ZNF550: variants seen among roughly 807,000 people sequenced by gnomAD.
ZNF550 encodes the protein zinc finger protein 550.
Under a neutral mutation model 40.2 loss-of-function variants are expected in ZNF550, and 42 were observed. The observed-to-expected ratio is 1.05, with a 90% CI of 0.82 to 1.35. The LOEUF (loss-of-function observed/expected upper bound fraction) is 1.35, where lower values mean the gene tolerates loss of function less well. Ranked by LOEUF, ZNF550 falls within the 40% of genes most tolerant of loss-of-function variation. The pLI, the probability that ZNF550 is intolerant of heterozygous loss-of-function variation, is 0.00. For missense variants in ZNF550, 549 were observed against 525.2 expected (o/e 1.05, Z -0.44); for synonymous variants, 223 against 198.6 (o/e 1.12, Z -1.03).
chr19:57,556,123 G>C, intron 2 of ZNF550, 108 bp downstream of exon 2: 1 of 1,424,828 alleles, frequency 7.0e-7, no homozygotes. Flanking sequence ...AGGAAGAGGT[G>C]GGAACAGAAA....
intron 1 of ZNF550, 174 bp from the exon 2 acceptor site, chr19:57,556,531 A>AT: frequency 1.4e-6 from 1 of 707,086 alleles, no homozygotes; most frequent in Non-Finnish European, 2.3e-6. Flanking sequence ...CCTTTTGACA[A>AT]TGCAATTGTG....
chr19:57,559,621 C>A (rs2090152690), intron 1 of ZNF550, 35 bp downstream of exon 1: 4 of 1,465,640 alleles, frequency 2.7e-6, no homozygotes, highest in Middle Eastern at 4.3e-4. Flanking sequence ...ACACTGAGGC[C>A]GGGTGGCCGC....
At position 57,552,437 on chromosome 19, in the gene ZNF550, T is replaced by A. The variant is rs772900857; in HGVS notation, c.250+190A>T. Reference sequence around the variant, plus strand: ...ATTCCTGTTCACAGCAAAAGGTACCTGTGTCTCTGAATAATTGTGTGGCTC... The same window carrying A: ...ATTCCTGTTCACAGCAAAAGGTACCAGTGTCTCTGAATAATTGTGTGGCTC... On this transcript the variant is annotated intron_variant, in intron 3 of 4. Transcript: ENST00000457177. 3 of 529,760 alleles carry A rather than the reference T, an allele frequency of 5.7e-6. No homozygotes were observed. In the South Asian group the frequency reaches 9.4e-5, roughly 17 times the overall value. 32.8% of individuals were successfully genotyped at this position (529,760 alleles called of 1,614,324 possible). A position where few individuals can be genotyped will look rare whatever the true frequency, so the allele number is the denominator to read the frequency against.
chr19:57,552,953 A>G, intron 2 of ZNF550: 1 of 471,762 alleles, frequency 2.1e-6, no homozygotes. Flanking sequence ...ATATGGAGAC[A>G]GGATCTTTAG....
At chr19:57,544,602 A>G (rs2089991898) in intron 4 of ZNF550, 2 of 985,292 alleles carry the variant, frequency 2.0e-6, no homozygotes, top group African/African-American at 1.7e-5. Context: ...ACAAAAACAG[A>G]GAACTCTTAA....
At chr19:57,543,877 G>A in intron 4 of ZNF550, 1 of 752,466 alleles carries the variant, frequency 1.3e-6, no homozygotes, top group South Asian at 6.1e-5. Context: ...GGCAGAAGTT[G>A]CAGTGAGCTG....
exon 5 of ZNF550, chr19:57,542,503 T>C (rs1308422245): frequency 2.6e-5 from 4 of 151,974 alleles, no homozygotes; most frequent in African/African-American, 9.7e-5. Context: ...AGCTTCATGA[T>C]GTAAAATATT....
At chr19:57,558,531 C>CA (rs2090142153) in intron 1 of ZNF550, among the ~76,000 whole-genome samples, 2 of 152,128 alleles carry the variant, frequency 1.3e-5, no homozygotes, top group African/African-American at 2.4e-5. Context: ...AAGCAACAGG[C>CA]ACTCACATTC....
At chr19:57,542,310 T>C (rs2089967226) in exon 5 of ZNF550, 1 of 148,880 alleles carries the variant, frequency 6.7e-6, no homozygotes, top group African/African-American at 2.5e-5. Context: ...ACATACTAGA[T>C]CACCATATGA....
intron 3 of ZNF550, among the ~76,000 whole-genome samples, chr19:57,551,258 T>C (rs1010309211): frequency 2.0e-5 from 3 of 152,158 alleles, no homozygotes; most frequent in African/African-American, 7.2e-5. Flanking sequence ...ATTAATTATA[T>C]ACTGAAACAT....
exon 2 of ZNF550, chr19:57,556,240 C>A (rs770250608): frequency 1.2e-6 from 2 of 1,614,000 alleles, no homozygotes; most frequent in South Asian, 2.2e-5. Context: ...CCTAGTGAAA[C>A]CAGAAGCCCA....
chr19:57,549,629 G>A (rs536272656), intron 3 of ZNF550, among the ~76,000 whole-genome samples: 4 of 152,120 alleles, frequency 2.6e-5, no homozygotes, highest in Admixed American at 2.6e-4. Flanking sequence ...GTGGGCAATG[G>A]GTTGAAGGTG....
chr19:57,551,228 C>T (rs1315925613), intron 3 of ZNF550, among the ~76,000 whole-genome samples: 1 of 152,156 alleles, frequency 6.6e-6, no homozygotes, highest in Non-Finnish European at 1.5e-5. Flanking sequence ...ATTAAATACA[C>T]ATCCTATTTT....
chr19:57,559,563 C>T, intron 1 of ZNF550, 93 bp downstream of exon 1: 1 of 1,295,802 alleles, frequency 7.7e-7, no homozygotes, highest in Non-Finnish European at 1.0e-6. Flanking sequence ...GCAGGGACTG[C>T]ACTGAGGACG....
chr19:57,556,245 A>G, exon 2 of ZNF550: 1 of 1,614,016 alleles, frequency 6.2e-7, no homozygotes, highest in Non-Finnish European at 8.5e-7. Context: ...TGAAACCAGA[A>G]GCCCACAGGT....
upstream of ZNF550, among the ~76,000 whole-genome samples, chr19:57,560,244 A>C (rs781120123): frequency 7.2e-5 from 11 of 152,036 alleles, no homozygotes; most frequent in Non-Finnish European, 1.3e-4. Context: ...CTCCACCCTG[A>C]CGCCAGGCAC....
intron 2 of ZNF550, chr19:57,553,638 G>C (rs758265698): frequency 2.0e-5 from 3 of 152,062 alleles, no homozygotes; most frequent in Non-Finnish European, 4.4e-5. Flanking sequence ...GGCTGGTCTC[G>C]AGTGCCTGGC....
exon 4 of ZNF550, chr19:57,547,763 C>T (rs750863160): frequency 1.5e-5 from 24 of 1,614,120 alleles, no homozygotes; most frequent in Non-Finnish European, 1.9e-5. Flanking sequence ...GTCCCCAAAC[C>T]TTCACCTTCA....
At chr19:57,556,205 C>G (rs758220630) in intron 2 of ZNF550, 26 bp downstream of exon 2, 1 of 1,613,730 alleles carries the variant, frequency 6.2e-7, no homozygotes, top group Admixed American at 1.7e-5. Context: ...TAGGGTCCTC[C>G]TCAGGGATGA....
Sources: allele counts gnomAD v4.1 joint callset (sites outside exome capture counted in the v4.1 genomes callset), GRCh38; gene constraint gnomAD v4.1.1; transcripts MANE v1.5; gene names NCBI Gene and HGNC (gene_info 2026-07-23, HGNC 2026-07-21).